Variants in CPA6 observed in about 807,000 individuals in gnomAD.
CPA6 encodes carboxypeptidase A6.
In CPA6, 58 loss-of-function variants were observed where a neutral mutation model predicts 63.3. That is an observed-to-expected ratio of 0.92 (90% CI 0.74 to 1.14). The LOEUF (loss-of-function observed/expected upper bound fraction) is 1.14, where lower values mean the gene tolerates loss of function less well. Ranked by LOEUF, CPA6 falls within the 50% of genes most tolerant of loss-of-function variation. The pLI is 0.00. For missense variants in CPA6, 565 were observed against 526.6 expected (o/e 1.07, Z -0.71); for synonymous variants, 185 against 179.0 (o/e 1.03, Z -0.27).
chr8:67,483,807 C>A lies in CPA6; in HGVS notation c.799G>T (p.Gly267Ter), dbSNP rs61738009. Residue 267 changes from glycine to a stop codon, truncating the protein, a stop_gained, in exon 8 of 11, where the codon GGA becomes TGA. Transcript: ENST00000297770. LOFTEE classifies it high-confidence loss of function. ...TTCCAGTTTCTATTGGCATCCACTC[C>A]ACGGCAGCGAAACCTTGAGTTCCTT... ...RSRNSRFRCR[G>*]VDANRNWKVK... 6.2e-7 allele frequency: 1 copy of A among 1,614,086 alleles called. No homozygotes were observed. Among genetic ancestry groups the A allele is most frequent in the Non-Finnish European group, 8.5e-7 (1 of 1,180,020 alleles).
intron 1 of CPA6, among the ~76,000 whole-genome samples, chr8:67,715,293 G>A (rs1020177168): frequency 6.6e-6 from 1 of 152,144 alleles, no homozygotes; most frequent in Non-Finnish European, 1.5e-5. Flanking sequence ...TGACCAACTG[G>A]CTATAAACTG....
chr8:67,482,296 T>G (rs1238277450), intron 8 of CPA6, among the ~76,000 whole-genome samples: 8 of 152,298 alleles, frequency 5.3e-5, no homozygotes, highest in African/African-American at 1.4e-4. Context: ...GAGTCTCCAC[T>G]AACAAGCGAA....
Position 67,585,489 on chromosome 8 carries a change from A to G in CPA6, c.192+38687T>C, listed in dbSNP as rs574081818. On this transcript the variant is annotated intron_variant, in intron 2 of 10. Coordinates refer to ENST00000297770, the MANE Select transcript of CPA6 (RefSeq NM_020361.5). ...AAAGTTGAGAAAGCCATGTTGTTAGACATGGGGGCATGAGTTAGCAGTTCC... is the reference window on the plus strand; with the variant it reads ...AAAGTTGAGAAAGCCATGTTGTTAGGCATGGGGGCATGAGTTAGCAGTTCC... Among the ~76,000 whole-genome samples, 185 of 152,076 alleles carry G rather than the reference A, an allele frequency of 1.2e-3. 2 individuals are homozygous for G. The South Asian group carries it at 0.017, about 14-fold the overall frequency.
At position 67,598,509 on chromosome 8, in the gene CPA6, T is replaced by C. The variant is rs143175488; in HGVS notation, c.192+25667A>G. 8.5e-5 allele frequency among the ~76,000 whole-genome samples: 13 copies of C among 152,272 alleles called. No individual in the cohort carries two copies. In the East Asian group the frequency reaches 2.3e-3, roughly 27 times the overall value. The stretch of plus-strand genomic sequence containing the variant: ...TAATATGGAAAAACAAAATTTTCAC[T>C]TTTCCTATTTAGCAAGTAACAATCG... On this transcript the variant is annotated intron_variant, in intron 2 of 10. Transcript: ENST00000297770.
chr8:67,738,541 C>CA (rs1219217326), intron 1 of CPA6, among the ~76,000 whole-genome samples: 1 of 151,446 alleles, frequency 6.6e-6, no homozygotes, highest in Non-Finnish European at 1.5e-5. Flanking sequence ...AAGAAACAAA[C>CA]AAAAAAATAC....
rs748990934 is a variant in CPA6, at chr8:67,518,055, G to A, written c.193-8C>T. 1.3e-6 allele frequency: 2 copies of A among 1,576,736 alleles called. No homozygotes were observed. The highest frequency in any genetic ancestry group is 1.7e-6 in the Non-Finnish European group (2 of 1,164,354). Reference sequence around the variant, plus strand: ...GGGCTGCCACAGGTCCACCTGTAGTGCAGGAACCAACCTATAATTCATATC... The same window carrying A: ...GGGCTGCCACAGGTCCACCTGTAGTACAGGAACCAACCTATAATTCATATC... On this transcript the variant is annotated splice_region_variant and splice_polypyrimidine_tract_variant and intron_variant, in intron 2 of 10. Transcript: ENST00000297770.
intron 7 of CPA6, 105 bp from the exon 8 acceptor site, chr8:67,483,963 G>C (rs1341131386): frequency 1.1e-6 from 1 of 923,430 alleles, no homozygotes; most frequent in Non-Finnish European, 1.7e-6. Context: ...TGAGGGGAGA[G>C]TTCTCCTGTG....
chr8:67,521,416 G>A (rs1467286054), intron 2 of CPA6, among the ~76,000 whole-genome samples: 1 of 152,224 alleles, frequency 6.6e-6, no homozygotes, highest in Non-Finnish European at 1.5e-5. Flanking sequence ...ATCCTCATGT[G>A]TACTGTGAAG....
intron 2 of CPA6, among the ~76,000 whole-genome samples, chr8:67,585,806 C>T (rs554576844): frequency 2.8e-4 from 42 of 151,990 alleles, no homozygotes; most frequent in African/African-American, 8.7e-4. Flanking sequence ...TGATATTTGA[C>T]GAGGAGAGTG....
intron 2 of CPA6, among the ~76,000 whole-genome samples, chr8:67,616,558 G>T (rs1289645071): frequency 6.7e-6 from 1 of 148,644 alleles, no homozygotes; most frequent in African/African-American, 2.5e-5. Flanking sequence ...TGTGTTGTGG[G>T]GGTTGTGGGG....
At chr8:67,599,147 T>C (rs907343708) in intron 2 of CPA6, among the ~76,000 whole-genome samples, 5 of 152,218 alleles carry the variant, frequency 3.3e-5, no homozygotes, top group African/African-American at 1.2e-4. Context: ...CAAATAATTG[T>C]ATGTAAAAAC....
At chr8:67,626,178 C>T (rs927953753) in intron 1 of CPA6, among the ~76,000 whole-genome samples, 4 of 152,094 alleles carry the variant, frequency 2.6e-5, no homozygotes, top group Non-Finnish European at 5.9e-5. Flanking sequence ...TCATAAATTA[C>T]CCAGTCTCAG....
At chr8:67,705,966 T>C (rs968123103) in intron 1 of CPA6, among the ~76,000 whole-genome samples, 76 of 152,314 alleles carry the variant, frequency 5.0e-4, no homozygotes, top group African/African-American at 1.8e-3. Context: ...AGAAAAGTTA[T>C]AAAGAGGAGA....
chr8:67,718,479 A>G (rs1017801811), intron 1 of CPA6, among the ~76,000 whole-genome samples: 1 of 152,168 alleles, frequency 6.6e-6, no homozygotes, highest in Non-Finnish European at 1.5e-5. Context: ...TGAAAGGTAC[A>G]TGTGCAGGTC....
chr8:67,696,882 T>C (rs954636165), intron 1 of CPA6, among the ~76,000 whole-genome samples: 2 of 152,208 alleles, frequency 1.3e-5, no homozygotes, highest in African/African-American at 2.4e-5. Context: ...TGATACTTTA[T>C]GGGGTCATGG....
chr8:67,477,405 T>G (rs1811266885), intron 8 of CPA6, among the ~76,000 whole-genome samples: 1 of 152,172 alleles, frequency 6.6e-6, no homozygotes, highest in African/African-American at 2.4e-5. Context: ...TTAGGTAATT[T>G]ATATCTTTTC....
At chr8:67,543,184 T>C (rs1384907408) in intron 2 of CPA6, among the ~76,000 whole-genome samples, 8 of 152,230 alleles carry the variant, frequency 5.3e-5, no homozygotes, top group Non-Finnish European at 8.8e-5. Flanking sequence ...GGGATGCATA[T>C]ACTGCATTAC....
intron 1 of CPA6, among the ~76,000 whole-genome samples, chr8:67,701,041 G>C (rs1227533833): frequency 6.6e-6 from 1 of 151,966 alleles, no homozygotes; most frequent in African/African-American, 2.4e-5. Flanking sequence ...AGATACAATC[G>C]TTTCCTCACT....
chr8:67,720,516 C>T (rs1436770697), intron 1 of CPA6, among the ~76,000 whole-genome samples: 1 of 151,914 alleles, frequency 6.6e-6, no homozygotes, highest in Non-Finnish European at 1.5e-5. Context: ...ACTCAGCGCT[C>T]ACAGACACTG....
Sources: gnomAD v4.1 joint callset for allele counts (sites outside exome capture counted in the v4.1 genomes callset) on GRCh38, gnomAD v4.1.1 for gene constraint, MANE v1.5 for transcripts, NCBI Gene and HGNC (gene_info 2026-07-23, HGNC 2026-07-21) for gene names.